Variants in CTNNA3 observed in about 807,000 individuals in gnomAD.
CTNNA3 encodes catenin alpha-3.
Under a neutral mutation model 95.7 loss-of-function variants are expected in CTNNA3, and 76 were observed. The ratio of observed to expected loss-of-function variants is 0.79; its 90% CI spans 0.66 to 0.96. The LOEUF (loss-of-function observed/expected upper bound fraction) is 0.96. CTNNA3 is among the 40% of genes least tolerant of loss of function. The pLI is 0.00. For synonymous variants in CTNNA3, 431 were observed against 374.4 expected (o/e 1.15, Z -1.74); for missense variants, 1,191 against 1,089.8 (o/e 1.09, Z -1.31).
chr10:66,581,125 T>A (rs573654934), intron 10 of CTNNA3, among the ~76,000 whole-genome samples: 1 of 151,944 alleles, frequency 6.6e-6, no homozygotes, highest in South Asian at 2.1e-4. Flanking sequence ...ATACATCACA[T>A]TTTCTTTATC....
intron 11 of CTNNA3, among the ~76,000 whole-genome samples, chr10:66,390,561 T>C (rs1053795008): frequency 1.3e-5 from 2 of 152,160 alleles, no homozygotes; most frequent in Non-Finnish European, 2.9e-5. Flanking sequence ...AAGTTTCCAT[T>C]TTTGCATACC....
At chr10:66,188,666 C>G (rs2086476005) in intron 13 of CTNNA3, among the ~76,000 whole-genome samples, 1 of 147,960 alleles carries the variant, frequency 6.8e-6, no homozygotes, top group South Asian at 2.2e-4. Context: ...CAATGGGTAA[C>G]AATACTTTGC....
rs2079837542 is a variant in CTNNA3, at chr10:66,046,767, A to G, written c.2159+22541T>C. On this transcript the variant is annotated intron_variant, in intron 15 of 17. Transcript: ENST00000433211. Reference sequence around the variant, plus strand: ...AAGAGAGAATATCCAAATAAACACAACTATAAGTGATAAGGTAATGTTATT... The same window carrying G: ...AAGAGAGAATATCCAAATAAACACAGCTATAAGTGATAAGGTAATGTTATT... 2.0e-5 allele frequency among the ~76,000 whole-genome samples: 3 copies of G among 152,098 alleles called. No homozygotes were observed. In the South Asian group the frequency reaches 6.2e-4, roughly 32 times the overall value.
intron 5 of CTNNA3, among the ~76,000 whole-genome samples, chr10:67,469,181 A>T (rs1248487909): frequency 2.0e-5 from 3 of 152,200 alleles, no homozygotes; most frequent in Non-Finnish European, 4.4e-5. Flanking sequence ...AAAAAATTTC[A>T]TGAGAGTTAC....
intron 12 of CTNNA3, among the ~76,000 whole-genome samples, chr10:66,298,962 G>C (rs918066069): frequency 6.6e-6 from 1 of 152,138 alleles, no homozygotes; most frequent in African/African-American, 2.4e-5. Flanking sequence ...TCTACTTGAA[G>C]TCATCCCTCT....
intron 9 of CTNNA3, among the ~76,000 whole-genome samples, chr10:66,651,166 T>G (rs1845882950): frequency 6.6e-6 from 1 of 152,080 alleles, no homozygotes. Flanking sequence ...TGCTGATCAG[T>G]GTGTTTACAA....
chr10:67,427,034 A>AT (rs1241235644), intron 5 of CTNNA3, among the ~76,000 whole-genome samples: 2 of 152,028 alleles, frequency 1.3e-5, no homozygotes. Flanking sequence ...GTGGTAATTA[A>AT]TTTTTAATTT....
intron 7 of CTNNA3, among the ~76,000 whole-genome samples, chr10:66,914,319 A>G (rs2132573241): frequency 6.6e-6 from 1 of 151,908 alleles, no homozygotes; most frequent in South Asian, 2.1e-4. Flanking sequence ...TTTAGTAGAG[A>G]CAGGGTTTCA....
In CTNNA3 at chr10:66,165,851, C is replaced by A. The variant is rs551287387; in HGVS notation, c.1885-62602G>T. On this transcript the variant is annotated intron_variant, in intron 13 of 17. Transcript: ENST00000433211. ...TGGTGCAATCTTGGCTCACTGCAAC[C>A]TTTGCCTCCCAGGTTCAAGCAATTC... 3.3e-5 allele frequency among the ~76,000 whole-genome samples: 5 copies of A among 152,088 alleles called. No individual in the cohort carries two copies. The South Asian group carries it at 8.3e-4, about 25-fold the overall frequency.
intron 2 of CTNNA3, among the ~76,000 whole-genome samples, chr10:67,615,657 CTTTTT>C (rs746378840): frequency 5.9e-5 from 6 of 102,164 alleles, no homozygotes; most frequent in East Asian, 3.2e-4. Context: ...GGCAGGTATT[CTTTTT>C]TTTTTTTTTT....
intron 5 of CTNNA3, among the ~76,000 whole-genome samples, chr10:67,302,443 ATAAG>A (rs2132502128): frequency 6.6e-6 from 1 of 152,360 alleles, no homozygotes; most frequent in East Asian, 1.9e-4. Context: ...CACAAAAATG[ATAAG>A]TATGTGAGGT....
intron 5 of CTNNA3, among the ~76,000 whole-genome samples, chr10:67,400,513 C>T (rs1844877983): frequency 6.6e-6 from 1 of 152,110 alleles, no homozygotes; most frequent in African/African-American, 2.4e-5. Flanking sequence ...GATATTCACT[C>T]TGGAATAAAT....
At chr10:66,728,103 T>G (rs904008516) in intron 9 of CTNNA3, among the ~76,000 whole-genome samples, 4 of 152,194 alleles carry the variant, frequency 2.6e-5, no homozygotes, top group African/African-American at 9.6e-5. Flanking sequence ...ACAAAGTCCT[T>G]AGCTATCCAT....
At chr10:66,729,015 C>T (rs35498856) in intron 9 of CTNNA3, among the ~76,000 whole-genome samples, 2 of 152,114 alleles carry the variant, frequency 1.3e-5, no homozygotes, top group African/African-American at 2.4e-5. Context: ...GAGTCCTTTC[C>T]CCATTACTTG....
intron 9 of CTNNA3, among the ~76,000 whole-genome samples, chr10:66,763,624 T>C (rs1353532911): frequency 6.6e-6 from 1 of 152,142 alleles, no homozygotes; most frequent in East Asian, 1.9e-4. Flanking sequence ...TATTGAGAAA[T>C]GTAGTCTCAC....
intron 17 of CTNNA3, among the ~76,000 whole-genome samples, chr10:65,963,097 T>C (rs911368022): frequency 1.4e-4 from 21 of 152,292 alleles, no homozygotes; most frequent in Admixed American, 1.4e-3. Flanking sequence ...CACTGCTGTG[T>C]CTAAAAAATG....
rs191672242 is a variant in CTNNA3, at chr10:65,972,606, T to C, written c.2266-5860A>G. 2.4e-3 allele frequency among the ~76,000 whole-genome samples: 362 copies of C among 151,680 alleles called. 2 individuals are homozygous for C. The highest frequency in any genetic ancestry group is 8.4e-3 in the African/African-American group (348 of 41,420). Reference sequence around the variant, plus strand: ...TTTACAATAGCTGCAAATAAATAAATAAATAAAACACCTAGGCATGCATCT... The same window carrying C: ...TTTACAATAGCTGCAAATAAATAAACAAATAAAACACCTAGGCATGCATCT... On this transcript the variant is annotated intron_variant, in intron 16 of 17. Transcript: ENST00000433211.
chr10:66,358,140 C>T (rs1167900556), intron 12 of CTNNA3, among the ~76,000 whole-genome samples: 1 of 152,162 alleles, frequency 6.6e-6, no homozygotes, highest in Non-Finnish European at 1.5e-5. Context: ...TATTTCTCTT[C>T]AGTCAACAGG....
chr10:67,472,637 C>T (rs1161534647), intron 5 of CTNNA3, among the ~76,000 whole-genome samples: 2 of 152,112 alleles, frequency 1.3e-5, no homozygotes, highest in African/African-American at 2.4e-5. Flanking sequence ...CATAATCCAC[C>T]CCTTAGTAAG....
Sources: gnomAD v4.1 joint callset for allele counts (sites outside exome capture counted in the v4.1 genomes callset) on GRCh38, gnomAD v4.1.1 for gene constraint, MANE v1.5 for transcripts, NCBI Gene and HGNC (gene_info 2026-07-23, HGNC 2026-07-21) for gene names.